The following FILIP1L variants were observed in gnomAD, a reference collection of about 807,000 sequenced individuals.
FILIP1L encodes the protein filamin A interacting protein 1 like.
FILIP1L carries 55 observed loss-of-function variants against 96.6 expected under a neutral mutation model. That is an observed-to-expected ratio of 0.57 (90% CI 0.46 to 0.71). The LOEUF (loss-of-function observed/expected upper bound fraction) is 0.71, where lower values mean the gene tolerates loss of function less well. Ranked by LOEUF, FILIP1L falls within the 30% of genes least tolerant of loss-of-function variation. FILIP1L has a pLI of 0.00. For synonymous variants in FILIP1L, 467 were observed against 473.9 expected, an observed-to-expected ratio of 0.99 and a Z score of 0.19; for missense variants, 1,304 against 1,321.2, an observed-to-expected ratio of 0.99 and a Z score of 0.20.
intron 4 of FILIP1L, among the ~76,000 whole-genome samples, chr3:99,861,856 A>T (rs1027955519): frequency 1.3e-5 from 2 of 152,086 alleles, no homozygotes; most frequent in African/African-American, 2.4e-5. Flanking sequence ...CGGCTTTCCA[A>T]CTTCTGTCTA....
chr3:99,936,189 C>T (rs1396016907), intron 1 of FILIP1L, among the ~76,000 whole-genome samples: 1 of 151,798 alleles, frequency 6.6e-6, no homozygotes, highest in South Asian at 2.1e-4. Flanking sequence ...CATTTTTGGT[C>T]TTGGTCATTT....
At chr3:100,037,413 A>G (rs753511633) in intron 1 of FILIP1L, among the ~76,000 whole-genome samples, 10 of 152,178 alleles carry the variant, frequency 6.6e-5, no homozygotes, top group Non-Finnish European at 1.0e-4. Flanking sequence ...GTTTGAAGTT[A>G]TTTTAAAATT....
chr3:99,904,306 A>G (rs1402699701), intron 4 of FILIP1L, among the ~76,000 whole-genome samples: 1 of 152,210 alleles, frequency 6.6e-6, no homozygotes, highest in Non-Finnish European at 1.5e-5. Flanking sequence ...CTTGGAAGAG[A>G]TCTTTCAGTA....
rs6804568 is a variant in FILIP1L, at chr3:99,900,958, A to C, written c.605+23272T>G. ...GGGGCATGATGGTAGTAGGATCTGG[A>C]CCCTGGAGAATCCAGGAGTTGAAAC... On this transcript the variant is annotated intron_variant, in intron 4 of 5. Coordinates refer to ENST00000477258, the MANE Select transcript of FILIP1L (RefSeq NM_001387850.1). Among the ~76,000 whole-genome samples, 1,410 of 152,314 alleles carry C rather than the reference A, an allele frequency of 9.3e-3. 29 individuals carry two copies. The highest frequency in any genetic ancestry group is 0.044 in the Admixed American group (677 of 15,300).
intron 5 of FILIP1L, among the ~76,000 whole-genome samples, chr3:99,833,691 C>T (rs555754405): frequency 6.6e-6 from 1 of 152,312 alleles, no homozygotes; most frequent in South Asian, 2.1e-4. Flanking sequence ...TTCTCAGGAG[C>T]GGTCCTGACT....
chr3:100,046,172 C>T (rs1241951183), intron 1 of FILIP1L, among the ~76,000 whole-genome samples: 1 of 152,098 alleles, frequency 6.6e-6, no homozygotes, highest in Non-Finnish European at 1.5e-5. Flanking sequence ...TTTCCCAGGG[C>T]ACTGATAACT....
intron 1 of FILIP1L, among the ~76,000 whole-genome samples, chr3:99,951,946 A>T (rs1708188446): frequency 6.6e-6 from 1 of 152,224 alleles, no homozygotes; most frequent in Non-Finnish European, 1.5e-5. Flanking sequence ...CTGAAGTAAT[A>T]GTGAGAGAAC....
intron 4 of FILIP1L, among the ~76,000 whole-genome samples, chr3:99,918,436 T>G (rs191404007): frequency 5.3e-5 from 8 of 152,214 alleles, no homozygotes; most frequent in African/African-American, 1.9e-4. Context: ...GCATTCATAG[T>G]ATTCTTTTGT....
At chr3:99,945,948 A>T (rs1223284324) in intron 1 of FILIP1L, among the ~76,000 whole-genome samples, 3 of 152,232 alleles carry the variant, frequency 2.0e-5, no homozygotes, top group Non-Finnish European at 2.9e-5. Context: ...CAACTCATTC[A>T]TAGCTGTTTT....
At chr3:99,961,965 A>C (rs1305651655) in intron 1 of FILIP1L, among the ~76,000 whole-genome samples, 1 of 152,198 alleles carries the variant, frequency 6.6e-6, no homozygotes, top group African/African-American at 2.4e-5. Context: ...TATTAATAGC[A>C]GAGTGGCAAG....
chr3:100,001,691 A>G (rs994622256), intron 1 of FILIP1L, among the ~76,000 whole-genome samples: 5 of 152,146 alleles, frequency 3.3e-5, no homozygotes, highest in Non-Finnish European at 5.9e-5. Context: ...CTCTCCCAAA[A>G]GAAACAGTAC....
At chr3:100,064,056 G>GTTC (rs887476296) in intron 1 of FILIP1L, among the ~76,000 whole-genome samples, 6 of 152,298 alleles carry the variant, frequency 3.9e-5, no homozygotes, top group African/African-American at 1.4e-4. Flanking sequence ...AGGTGGAAGA[G>GTTC]TTCTTGTTTT....
chr3:99,978,657 G>A (rs1198275285), intron 1 of FILIP1L, among the ~76,000 whole-genome samples: 1 of 152,190 alleles, frequency 6.6e-6, no homozygotes, highest in Non-Finnish European at 1.5e-5. Flanking sequence ...GACTTTGGGT[G>A]TCCAAGGTGG....
intron 1 of FILIP1L, among the ~76,000 whole-genome samples, chr3:99,973,443 A>G (rs1708880408): frequency 6.6e-6 from 1 of 152,244 alleles, no homozygotes; most frequent in Non-Finnish European, 1.5e-5. Context: ...CATATAAAAT[A>G]GAAATCTAAA....
intron 4 of FILIP1L, among the ~76,000 whole-genome samples, chr3:99,882,486 TAG>T (rs1430543632): frequency 6.6e-6 from 1 of 152,216 alleles, no homozygotes; most frequent in Admixed American, 6.5e-5. Context: ...AAGGTGTGCT[TAG>T]AGTTTTATTA....
At chr3:99,972,817 A>G (rs1347765827) in intron 1 of FILIP1L, among the ~76,000 whole-genome samples, 1 of 152,330 alleles carries the variant, frequency 6.6e-6, no homozygotes, top group South Asian at 2.1e-4. Context: ...AGAAAATTCC[A>G]TCACTTGGCA....
At chr3:99,853,035 C>G (rs1315034889) in intron 4 of FILIP1L, among the ~76,000 whole-genome samples, 1 of 152,176 alleles carries the variant, frequency 6.6e-6, no homozygotes, top group Non-Finnish European at 1.5e-5. Context: ...CATCCAAGGT[C>G]TTGGCAAAAG....
At chr3:99,906,520 T>TTATTTCAA (rs1706623581) in intron 4 of FILIP1L, among the ~76,000 whole-genome samples, 1 of 152,238 alleles carries the variant, frequency 6.6e-6, no homozygotes, top group Non-Finnish European at 1.5e-5. Context: ...CATAACTTAT[T>TTATTTCAA]TATTTCAATA....
intron 1 of FILIP1L, among the ~76,000 whole-genome samples, chr3:99,948,762 G>A (rs1708090282): frequency 6.6e-6 from 1 of 151,422 alleles, no homozygotes; most frequent in South Asian, 2.1e-4. Context: ...GAAAAGGAAG[G>A]AAGGAAAGAA....
Sources: allele counts gnomAD v4.1 joint callset (sites outside exome capture counted in the v4.1 genomes callset), GRCh38; gene constraint gnomAD v4.1.1; transcripts MANE v1.5; gene names NCBI Gene and HGNC (gene_info 2026-07-23, HGNC 2026-07-21).